ARHGAP44: variants seen among roughly 807,000 people sequenced by gnomAD.
ARHGAP44 encodes the protein Rho GTPase activating protein 44, also known as rho GTPase-activating protein 44.
In ARHGAP44, 43 loss-of-function variants were observed where a neutral mutation model predicts 106.8. The ratio of observed to expected loss-of-function variants is 0.40; its 90% CI spans 0.32 to 0.52. ARHGAP44 has a LOEUF of 0.52. Among genes scored for constraint, ARHGAP44 ranks in the 20% least tolerant of loss-of-function variants. ARHGAP44 has a pLI of 0.48. For synonymous variants in ARHGAP44, 439 were observed against 410.3 expected (o/e 1.07, Z -0.85); for missense variants, 866 against 1,050.5 (o/e 0.82, Z 2.43).
In ARHGAP44 at chr17:12,990,127, G is replaced by A. The variant is rs1567729881; in HGVS notation, c.2413G>A (p.Asp805Asn). 6.2e-7 allele frequency: 1 copy of A among 1,613,420 alleles called. No homozygotes were observed. Among genetic ancestry groups the A allele is most frequent in the Non-Finnish European group, 8.5e-7 (1 of 1,179,656 alleles). ...GCACATGCGGCGACACTCAGTAACT[G>A]ACAAGAGGGACTCGGAGGAGGAGTC... Reference protein sequence around the residue: ...LEHMRRHSVTDKRDSEEESES... With the variant: ...LEHMRRHSVTNKRDSEEESES... The change falls in exon 21 of 21, where the codon GAC (aspartate) becomes AAC (asparagine). Residue 805 changes from aspartate (D) to asparagine (N), a missense_variant. Around this residue, in one of 2 missense-constraint regions of ARHGAP44, gnomAD observed 418 missense variants for 403.6 expected, o/e 1.04. Coordinates refer to ENST00000379672, the MANE Select transcript of ARHGAP44 (RefSeq NM_014859.6).
rs371485930 is a variant in ARHGAP44 at position 12,970,954 on chromosome 17, G to C, written c.1524-2348G>C. On this transcript the variant is annotated intron_variant, in intron 16 of 20. Transcript: ENST00000379672. ...TAAATGCACTTTTAGGCTTCCAACA[G>C]CATTGCTGCTGCCGTTGTGATTGAT... Among the ~76,000 whole-genome samples, 180 of 152,302 alleles carry C rather than the reference G, an allele frequency of 1.2e-3. 5 individuals carry two copies. The South Asian group carries it at 0.034, about 29-fold the overall frequency.
intron 1 of ARHGAP44, among the ~76,000 whole-genome samples, chr17:12,868,184 T>C (rs1045783181): frequency 1.6e-4 from 24 of 152,284 alleles, no homozygotes; most frequent in African/African-American, 5.8e-4. Context: ...TCTCTCCTTA[T>C]ATTGTAGATG....
rs536456285 is a variant in ARHGAP44, at chr17:12,794,587, G to A, written c.53+4696G>A. 2.0e-5 allele frequency among the ~76,000 whole-genome samples: 3 copies of A among 152,310 alleles called. No homozygotes were observed. In the South Asian group the frequency reaches 6.2e-4, roughly 32 times the overall value. On this transcript the variant is annotated intron_variant, in intron 1 of 20. Transcript: ENST00000379672. ...GGAGTAGGTGAGGAACTGTGGGTGT[G>A]CGGGAAGGAGAAGGCTGGTTGGGTC...
intron 8 of ARHGAP44, among the ~76,000 whole-genome samples, chr17:12,942,207 C>T (rs545900509): frequency 1.1e-4 from 16 of 152,310 alleles, no homozygotes; most frequent in South Asian, 6.2e-4. Context: ...AGTGCAGTGG[C>T]GTGATCTCAG....
At chr17:12,960,772 C>T (rs893990478) in intron 16 of ARHGAP44, among the ~76,000 whole-genome samples, 1 of 152,004 alleles carries the variant, frequency 6.6e-6, no homozygotes, top group Non-Finnish European at 1.5e-5. Context: ...CCATGTTGGC[C>T]AGGCTGGTCT....
chr17:12,949,365 T>C lies in ARHGAP44; in HGVS notation c.973+114T>C, dbSNP rs540493362. The C allele has an allele frequency of 8.7e-7, 1 of 1,153,180 alleles. No individual in the cohort carries two copies. Among genetic ancestry groups the C allele is most frequent in the Non-Finnish European group, 1.2e-6 (1 of 810,388 alleles). The allele number at this position is 1,153,180 out of a possible 1,614,324, so 71.4% of individuals were successfully genotyped here. ...CAAGTCAGTGGCTGCCCAAAGCACT[T>C]CAGATGTGTCCACTCAGTGCCCAGT... is the stretch of plus-strand genomic sequence containing the variant. On this transcript the variant is annotated intron_variant, in intron 11 of 20. Coordinates refer to ENST00000379672, the MANE Select transcript of ARHGAP44 (RefSeq NM_014859.6). This position sits in a 1 kb window ranked among gnomAD's most constrained non-coding sequence, Gnocchi z 4.1.
intron 1 of ARHGAP44, among the ~76,000 whole-genome samples, chr17:12,835,754 C>G (rs2035219590): frequency 6.6e-6 from 1 of 152,034 alleles, no homozygotes; most frequent in Non-Finnish European, 1.5e-5. Flanking sequence ...ACTTTTTCAT[C>G]TTGCAACACT....
At position 12,974,195 on chromosome 17, in the gene ARHGAP44, G is replaced by C. The variant is rs1041143202; in HGVS notation, c.1648G>C (p.Ala550Pro). ...PPSMQPPAPP[A>P]ELAAPLPSPL... The stretch of plus-strand genomic sequence containing the variant: ...CTCCATGCAGCCTCCCGCCCCGCCC[G>C]CCGAGCTGGCTGCGCCCCTGCCTTC... The change falls in exon 18 of 21, where the codon GCC becomes CCC. Residue 550 changes from alanine (A) to proline (P), a missense_variant. Around this residue, in one of 2 missense-constraint regions of ARHGAP44, gnomAD observed 418 missense variants for 403.6 expected, o/e 1.04. Transcript: ENST00000379672. The C allele has an allele frequency of 2.6e-6, 4 of 1,548,614 alleles. No individual in the cohort carries two copies. The African/African-American group carries it at 5.5e-5, about 21-fold the overall frequency.
At chr17:12,803,927 GATC>G (rs1453601651) in intron 1 of ARHGAP44, among the ~76,000 whole-genome samples, 1 of 152,126 alleles carries the variant, frequency 6.6e-6, no homozygotes. Flanking sequence ...GAAAACTCGT[GATC>G]ATTTGTATCT....
chr17:12,831,861 A>AC (rs2035098619), intron 1 of ARHGAP44, among the ~76,000 whole-genome samples: 2 of 152,200 alleles, frequency 1.3e-5, no homozygotes, highest in Admixed American at 1.3e-4. Flanking sequence ...AAGCATGTTA[A>AC]CAGGAGGTAG....
chr17:12,982,307 G>A (rs1477103771), intron 19 of ARHGAP44, among the ~76,000 whole-genome samples: 1 of 126,690 alleles, frequency 7.9e-6, no homozygotes, highest in South Asian at 2.6e-4. Flanking sequence ...CACTTAGCAG[G>A]TCTTTTTTTT....
intron 18 of ARHGAP44, among the ~76,000 whole-genome samples, chr17:12,979,636 T>C (rs1306599201): frequency 6.6e-6 from 1 of 152,204 alleles, no homozygotes; most frequent in Non-Finnish European, 1.5e-5. Flanking sequence ...TCAGCACTCG[T>C]TGGGCACAGT....
chr17:12,979,916 T>G, intron 18 of ARHGAP44, 142 bp from the exon 19 acceptor site: 1 of 869,536 alleles, frequency 1.2e-6, no homozygotes, highest in Non-Finnish European at 1.7e-6. Context: ...TGCGAAGGTT[T>G]TAGGAAGGGG....
intron 7 of ARHGAP44, among the ~76,000 whole-genome samples, chr17:12,936,479 T>C: frequency 6.6e-6 from 1 of 152,210 alleles, no homozygotes. Context: ...TTCTTTCACA[T>C]AGTAATATGC....
intron 6 of ARHGAP44, among the ~76,000 whole-genome samples, chr17:12,925,191 C>T (rs1164974623): frequency 4.6e-5 from 7 of 152,236 alleles, no homozygotes; most frequent in Admixed American, 6.5e-5. Context: ...GCCCCAATTC[C>T]GAAAGTGCCA....
At chr17:12,963,734 A>AGGCCG (rs2039323719) in intron 16 of ARHGAP44, among the ~76,000 whole-genome samples, 15 of 128,326 alleles carry the variant, frequency 1.2e-4, no homozygotes, top group Non-Finnish European at 1.6e-4. Flanking sequence ...GGCCTTGCGA[A>AGGCCG]GCCCTGCCAG....
At chr17:12,942,920 A>G (rs2150982680) in intron 8 of ARHGAP44, among the ~76,000 whole-genome samples, 1 of 152,360 alleles carries the variant, frequency 6.6e-6, no homozygotes, top group African/African-American at 2.4e-5. Flanking sequence ...TCCCACCTCC[A>G]GGGTATTTGA....
At chr17:12,960,603 C>G (rs111904892) in intron 16 of ARHGAP44, among the ~76,000 whole-genome samples, 8 of 151,672 alleles carry the variant, frequency 5.3e-5, no homozygotes, top group Non-Finnish European at 1.2e-4. Flanking sequence ...CTCTGTCACC[C>G]GGGCTGGAGT....
intron 1 of ARHGAP44, among the ~76,000 whole-genome samples, chr17:12,821,939 C>G (rs1306795964): frequency 6.6e-6 from 1 of 152,268 alleles, no homozygotes; most frequent in South Asian, 2.1e-4. Context: ...AAGATTTATA[C>G]ACTACTTTAC....
Sources: allele counts gnomAD v4.1 joint callset (sites outside exome capture counted in the v4.1 genomes callset), GRCh38; gene constraint gnomAD v4.1.1; regional missense constraint gnomAD v4.1.1; non-coding constraint Gnocchi (gnomAD v3.1); transcripts MANE v1.5; gene names NCBI Gene and HGNC (gene_info 2026-07-23, HGNC 2026-07-21).